The following ENAH variants were observed in gnomAD, a reference collection of about 807,000 sequenced individuals.
ENAH encodes the protein ENAH actin regulator, also known as protein enabled homolog.
In ENAH, 23 loss-of-function variants were observed where a neutral mutation model predicts 78.7. That is an observed-to-expected ratio of 0.29 (90% CI 0.21 to 0.41). The LOEUF is 0.41. ENAH is among the 10% of genes least tolerant of loss of function. ENAH has a pLI of 1.00. For missense variants in ENAH, 544 were observed against 691.0 expected (o/e 0.79, Z 2.39); for synonymous variants, 226 against 241.0 (o/e 0.94, Z 0.58).
chr1:225,630,793 G>T (rs1261863198), intron 1 of ENAH, among the ~76,000 whole-genome samples: 2 of 152,222 alleles, frequency 1.3e-5, no homozygotes, highest in East Asian at 3.9e-4. Context: ...AAAATAATAT[G>T]ATGTGCTTAC....
At chr1:225,522,139 A>G (rs1027872850) in intron 4 of ENAH, among the ~76,000 whole-genome samples, 1 of 152,178 alleles carries the variant, frequency 6.6e-6, no homozygotes, top group Non-Finnish European at 1.5e-5. Flanking sequence ...GACTTTCTGG[A>G]CTGGCTAATA....
intron 1 of ENAH, among the ~76,000 whole-genome samples, chr1:225,576,590 T>C (rs970890147): frequency 1.3e-5 from 2 of 152,082 alleles, no homozygotes; most frequent in Non-Finnish European, 2.9e-5. Context: ...AGAAAAACAA[T>C]ATAGAGTTCT....
intron 1 of ENAH, among the ~76,000 whole-genome samples, chr1:225,604,820 T>C (rs1181741385): frequency 6.6e-6 from 1 of 151,486 alleles, no homozygotes; most frequent in Non-Finnish European, 1.5e-5. Context: ...AAAAGGACAA[T>C]TGATAAAAGA....
At chr1:225,501,157 A>C (rs939093476) in intron 11 of ENAH, 87 bp from the exon 12 acceptor site, 10 of 957,202 alleles carry the variant, frequency 1.0e-5, no homozygotes, top group Non-Finnish European at 1.6e-5. Flanking sequence ...CCAACCCAAC[A>C]CCAGATTTAA....
intron 1 of ENAH, among the ~76,000 whole-genome samples, chr1:225,596,158 A>G (rs1480524042): frequency 6.6e-6 from 1 of 152,180 alleles, no homozygotes; most frequent in East Asian, 1.9e-4. Flanking sequence ...AAGACTCATG[A>G]TATCTTTAAT....
At chr1:225,568,682 C>A (rs2096746777) in intron 1 of ENAH, among the ~76,000 whole-genome samples, 1 of 152,194 alleles carries the variant, frequency 6.6e-6, no homozygotes, top group Non-Finnish European at 1.5e-5. Context: ...CACCCTCACA[C>A]TCTCCCCTCT....
At chr1:225,558,665 G>A (rs371838044) in intron 2 of ENAH, among the ~76,000 whole-genome samples, 26 of 110,458 alleles carry the variant, frequency 2.4e-4, no homozygotes, top group African/African-American at 5.7e-4. Flanking sequence ...ATGGAGTCTC[G>A]CTCTGTCGCC....
intron 1 of ENAH, among the ~76,000 whole-genome samples, chr1:225,630,136 T>A (rs956045005): frequency 2.0e-5 from 3 of 152,016 alleles, no homozygotes; most frequent in Non-Finnish European, 4.4e-5. Flanking sequence ...AGAAAAAAAA[T>A]GTCTAGAAGA....
At chr1:225,563,240 C>T (rs2096717459) in intron 2 of ENAH, among the ~76,000 whole-genome samples, 1 of 151,998 alleles carries the variant, frequency 6.6e-6, no homozygotes, top group Admixed American at 6.6e-5. Context: ...TGGTGAGTAA[C>T]CAGCTGTTTC....
rs1198627432 is a variant in ENAH at position 225,498,377 on chromosome 1, A to G, written c.1645T>C (p.Leu549=). 1 of 1,596,386 alleles carries G rather than the reference A, an allele frequency of 6.3e-7. No homozygotes were observed. The highest frequency in any genetic ancestry group is 8.6e-7 in the Non-Finnish European group (1 of 1,167,548). The change falls in exon 13 of 14, where the codon TTA becomes CTA. Residue 549 remains leucine (L), a synonymous_variant. Transcript: ENST00000366843. ...ATGAGCTCTTCTTTTAGCTTTGTTA[A>G]TTCTTTTCTCATTTCATCTAAAATG... ...QDILDEMRKE[L]TKLKEELIDA... is the part of the protein sequence containing the mutation.
intron 1 of ENAH, among the ~76,000 whole-genome samples, chr1:225,580,980 A>G (rs1485443275): frequency 7.7e-6 from 1 of 129,874 alleles, no homozygotes; most frequent in Non-Finnish European, 1.7e-5. Context: ...TAGCACACAT[A>G]TAGGCACACA....
In ENAH at chr1:225,495,726, T is replaced by G. The variant is rs1468153651; in HGVS notation, c.*2049A>C. ...AGTGTTTGCATAACCAAAAGTACAA[T>G]AATAAAGATGAAAATGCCTCCTATT... On this transcript the variant is annotated 3_prime_UTR_variant, in exon 14 of 14. Transcript: ENST00000366843. The G allele has an allele frequency of 6.6e-6, 1 of 152,402 alleles. No individual in the cohort carries two copies. Among genetic ancestry groups the G allele is most frequent in the Non-Finnish European group, 1.5e-5 (1 of 67,976 alleles). The allele number at this position is 152,402 out of a possible 1,614,324, so 9.4% of individuals were successfully genotyped here.
chr1:225,637,677 ACAT>A (rs1479995374), intron 1 of ENAH, among the ~76,000 whole-genome samples: 2 of 152,096 alleles, frequency 1.3e-5, no homozygotes, highest in African/African-American at 4.8e-5. Flanking sequence ...TAAATTATAA[ACAT>A]CATTTTAAAA....
intron 1 of ENAH, among the ~76,000 whole-genome samples, chr1:225,650,848 TAAAA>T (rs746549168): frequency 4.2e-4 from 25 of 58,934 alleles, no homozygotes; most frequent in African/African-American, 9.5e-4. Flanking sequence ...AGACTGCATT[TAAAA>T]AAAAAAAAAA....
At chr1:225,623,834 C>G (rs997050742) in intron 1 of ENAH, among the ~76,000 whole-genome samples, 4 of 152,136 alleles carry the variant, frequency 2.6e-5, no homozygotes, top group Admixed American at 2.6e-4. Context: ...TGTGATCCAC[C>G]TACATCGGCC....
At chr1:225,651,888 G>GT (rs1393099070) in intron 1 of ENAH, among the ~76,000 whole-genome samples, 1 of 152,044 alleles carries the variant, frequency 6.6e-6, no homozygotes, top group Non-Finnish European at 1.5e-5. Flanking sequence ...ATGTTTCATC[G>GT]TATCAATTAA....
chr1:225,590,131 A>ACG (rs2096868273), intron 1 of ENAH, among the ~76,000 whole-genome samples: 1 of 137,488 alleles, frequency 7.3e-6, no homozygotes, highest in Non-Finnish European at 1.6e-5. Flanking sequence ...ACACACACAC[A>ACG]GCACCAAGGT....
At chr1:225,579,014 C>T (rs1012732779) in intron 1 of ENAH, among the ~76,000 whole-genome samples, 6 of 152,254 alleles carry the variant, frequency 3.9e-5, no homozygotes, top group Middle Eastern at 3.4e-3. Context: ...GTTCTATGTG[C>T]TTTGCCTTTA....
chr1:225,627,004 T>C (rs965685816), intron 1 of ENAH, among the ~76,000 whole-genome samples: 4 of 152,228 alleles, frequency 2.6e-5, no homozygotes, highest in Non-Finnish European at 4.4e-5. Context: ...TAAAATCCTC[T>C]AGTGAGAATT....
Sources: gnomAD v4.1 joint callset for allele counts (sites outside exome capture counted in the v4.1 genomes callset) on GRCh38, gnomAD v4.1.1 for gene constraint, MANE v1.5 for transcripts, NCBI Gene and HGNC (gene_info 2026-07-23, HGNC 2026-07-21) for gene names.